The following CEP135 variants were observed in gnomAD, a reference collection of about 807,000 sequenced individuals.
CEP135 encodes centrosomal protein 135.
A neutral mutation model predicts 157.3 loss-of-function variants in CEP135; 142 were observed. That is an observed-to-expected ratio of 0.90 (90% CI 0.79 to 1.04). The LOEUF is 1.04. Among genes scored for constraint, CEP135 ranks in the 50% least tolerant of loss-of-function variants. The pLI is 0.00. For missense variants in CEP135, 1,317 were observed against 1,309.2 expected (o/e 1.01, Z -0.09); for synonymous variants, 396 against 439.8 (o/e 0.90, Z 1.25).
intron 6 of CEP135, among the ~76,000 whole-genome samples, chr4:55,961,872 A>G (rs542860619): frequency 3.3e-4 from 49 of 148,312 alleles, no homozygotes; most frequent in African/African-American, 1.2e-3. Context: ...TACTCAGGCT[A>G]TCTTAAGACT....
At chr4:55,992,639 G>T (rs1172590981) in intron 15 of CEP135, among the ~76,000 whole-genome samples, 2 of 152,118 alleles carry the variant, frequency 1.3e-5, no homozygotes, top group African/African-American at 2.4e-5. Flanking sequence ...CTTAGAGATT[G>T]ATGGCAAAAA....
chr4:55,988,061 T>G (rs1729647358), intron 14 of CEP135, among the ~76,000 whole-genome samples: 1 of 152,144 alleles, frequency 6.6e-6, no homozygotes, highest in Non-Finnish European at 1.5e-5. Flanking sequence ...TACAGAATCT[T>G]TATAGGAAAC....
At chr4:56,022,271 C>T (rs903785242) in intron 24 of CEP135, among the ~76,000 whole-genome samples, 5 of 152,278 alleles carry the variant, frequency 3.3e-5, no homozygotes, top group African/African-American at 7.2e-5. Context: ...CTTGCCTCAA[C>T]GAAACCTTGA....
chr4:55,976,549 G>A (rs543703816), intron 11 of CEP135, among the ~76,000 whole-genome samples: 97 of 152,294 alleles, frequency 6.4e-4, no homozygotes, highest in African/African-American at 2.2e-3. Flanking sequence ...TATTGGTAAG[G>A]CACTAGTAAA....
At chr4:56,027,359 A>G (rs573301998) in intron 25 of CEP135, among the ~76,000 whole-genome samples, 27 of 152,322 alleles carry the variant, frequency 1.8e-4, no homozygotes, top group African/African-American at 6.3e-4. Flanking sequence ...AGCCACACCC[A>G]TTTGTTAACA....
Position 55,974,987 on chromosome 4 carries a change from G to A in CEP135, c.1473+18G>A. On this transcript the variant is annotated intron_variant, in intron 11 of 25. Coordinates refer to ENST00000257287, the MANE Select transcript of CEP135 (RefSeq NM_025009.5). ...CAGAAAAGGTAATGTCCCTTTATAA[G>A]AGTAGGCCAGAAAGTATCTTTATGA... 3 of 1,517,854 alleles carry A rather than the reference G, an allele frequency of 2.0e-6. No homozygotes were observed. Among genetic ancestry groups the A allele is most frequent in the Non-Finnish European group, 2.7e-6 (3 of 1,113,466 alleles). 94.0% of individuals were successfully genotyped at this position (1,517,854 alleles called of 1,614,324 possible).
At chr4:56,027,201 T>C (rs114156955) in intron 25 of CEP135, among the ~76,000 whole-genome samples, 2,096 of 152,364 alleles carry the variant, frequency 0.014, 56 homozygotes, top group African/African-American at 0.048. Context: ...ACCTTCTTGT[T>C]ACAAAGGATT....
intron 8 of CEP135, among the ~76,000 whole-genome samples, 170 bp from the exon 9 acceptor site, chr4:55,968,893 T>G (rs991345377): frequency 3.9e-5 from 6 of 152,094 alleles, no homozygotes; most frequent in African/African-American, 1.4e-4. Flanking sequence ...ACCAAAAGAT[T>G]AAAGAGAAGC....
chr4:55,964,245 T>C, intron 6 of CEP135, 29 bp from the exon 7 acceptor site: 1 of 1,576,462 alleles, frequency 6.3e-7, no homozygotes. Context: ...ACCAGATTTT[T>C]TAAAATGACA....
In CEP135 at chr4:55,958,009, C is replaced by T. The variant is rs116173558; in HGVS notation, c.614+645C>T. On this transcript the variant is annotated intron_variant, in intron 5 of 25. Transcript: ENST00000257287. ...AGGAATGGATGAGCACTAGTCTCCA[C>T]GGTGATAGCTGGAGAAGCATTTCAA... 3.2e-3 allele frequency among the ~76,000 whole-genome samples: 485 copies of T among 152,252 alleles called. 2 individuals are homozygous for T. Among genetic ancestry groups the T allele is most frequent in the African/African-American group, 0.011 (459 of 41,540 alleles).
At chr4:55,986,379 A>G (rs1238977046) in intron 14 of CEP135, among the ~76,000 whole-genome samples, 1 of 150,522 alleles carries the variant, frequency 6.6e-6, no homozygotes, top group African/African-American at 2.5e-5. Flanking sequence ...CCATCTCTAC[A>G]AAAAATTTAC....
At chr4:55,997,861 G>A (rs1163795217) in intron 15 of CEP135, among the ~76,000 whole-genome samples, 5 of 152,104 alleles carry the variant, frequency 3.3e-5, no homozygotes, top group African/African-American at 4.8e-5. Flanking sequence ...GTGTGAATAC[G>A]GTGCAGTCAC....
At chr4:55,971,465 G>T in intron 10 of CEP135, 57 bp downstream of exon 10, 1 of 1,457,274 alleles carries the variant, frequency 6.9e-7, no homozygotes. Flanking sequence ...TTGATGTATT[G>T]TTTTTCTTAG....
rs1224589077 is a variant in CEP135, at chr4:55,965,911, C to CAAA, written c.1044+53_1044+54insAAA. The CAAA allele has an allele frequency of 2.1e-6, 3 of 1,434,902 alleles. No homozygotes were observed. In the East Asian group the frequency reaches 7.1e-5, roughly 34 times the overall value. 88.9% of individuals were successfully genotyped at this position (1,434,902 alleles called of 1,614,324 possible). A position where few individuals can be genotyped will look rare whatever the true frequency, so the allele number is the denominator to read the frequency against. ...AGAGTGTTCATTAATTCTCCTAGCA[C>CAAA]ACGGTAAGCTTGATCCCTTTTGATA... On this transcript the variant is annotated intron_variant, in intron 8 of 25. Coordinates refer to ENST00000257287, the MANE Select transcript of CEP135 (RefSeq NM_025009.5).
intron 25 of CEP135, among the ~76,000 whole-genome samples, chr4:56,026,827 C>G (rs1251933725): frequency 1.3e-5 from 2 of 152,186 alleles, no homozygotes; most frequent in Non-Finnish European, 2.9e-5. Context: ...CAGACCCAGG[C>G]TTTGACAGGT....
At chr4:55,974,702 A>G (rs781696176) in intron 10 of CEP135, 44 bp from the exon 11 acceptor site, 14 of 1,392,438 alleles carry the variant, frequency 1.0e-5, no homozygotes, top group East Asian at 2.3e-5. Flanking sequence ...AATCAACATT[A>G]TGTATACAAC....
At chr4:55,963,694 C>T (rs1027061442) in intron 6 of CEP135, among the ~76,000 whole-genome samples, 19 of 152,256 alleles carry the variant, frequency 1.2e-4, no homozygotes, top group African/African-American at 4.6e-4. Context: ...TGCAGTGACC[C>T]GAGATCATGC....
Position 55,981,363 on chromosome 4 carries a change from T to C in CEP135, c.1763T>C (p.Leu588Ser), listed in dbSNP as rs1352664677. The C allele has an allele frequency of 6.3e-7, 1 of 1,576,520 alleles. No individual in the cohort carries two copies. Residue 588 changes from leucine (L) to serine (S), a missense_variant, in exon 13 of 26, where the codon TTA becomes TCA. Leu to Ser is a moderately radical substitution (Grantham distance 145). Transcript: ENST00000257287. ...LRRIMAEKEALREKLEHIEEV... is the reference protein window; with the variant it reads ...LRRIMAEKEASREKLEHIEEV... ...AGAATTATGGCAGAAAAGGAAGCTT[T>C]AAGAGAAAAATTAGAGGTAAGAAGA...
Position 56,006,067 on chromosome 4 carries a change from T to C in CEP135, c.2281-2260T>C, listed in dbSNP as rs1730337455. Among the ~76,000 whole-genome samples the C allele has an allele frequency of 2.0e-5, 3 of 152,228 alleles. No homozygotes were observed. In the South Asian group the frequency reaches 6.2e-4, roughly 31 times the overall value. On this transcript the variant is annotated intron_variant, in intron 17 of 25. Transcript: ENST00000257287. ...TTATTATATGCCTTGGGGCAGTCTT[T>C]TTGGGGTTGAATCTCTTTGGTGTTC...
Sources: gnomAD v4.1 joint callset for allele counts (sites outside exome capture counted in the v4.1 genomes callset) on GRCh38, gnomAD v4.1.1 for gene constraint, MANE v1.5 for transcripts, NCBI Gene and HGNC (gene_info 2026-07-23, HGNC 2026-07-21) for gene names.